The following TMEM132D variants were observed in gnomAD, a reference collection of about 807,000 sequenced individuals.
TMEM132D encodes the protein mature OL transmembrane protein.
TMEM132D carries 21 observed loss-of-function variants against 62.3 expected under a neutral mutation model. That is an observed-to-expected ratio of 0.34 (90% CI 0.24 to 0.49). The LOEUF is 0.49. Ranked by LOEUF, TMEM132D falls within the 20% of genes least tolerant of loss-of-function variation. TMEM132D has a pLI of 0.99. For synonymous variants in TMEM132D, 621 were observed against 575.6 expected (o/e 1.08, Z -1.13); for missense variants, 1,346 against 1,402.8 (o/e 0.96, Z 0.65).
intron 4 of TMEM132D, among the ~76,000 whole-genome samples, chr12:129,260,126 C>T (rs1880514479): frequency 6.6e-6 from 1 of 152,112 alleles, no homozygotes. Context: ...ACCACAGAGG[C>T]TTGGGACACT....
At chr12:129,075,843 C>T (rs568046355) in intron 8 of TMEM132D, among the ~76,000 whole-genome samples, 2 of 152,330 alleles carry the variant, frequency 1.3e-5, no homozygotes, top group African/African-American at 4.8e-5. Flanking sequence ...TTGGAGATAA[C>T]CTCCAATTTC....
At chr12:129,869,324 C>T (rs1453646819) in intron 1 of TMEM132D, among the ~76,000 whole-genome samples, 1 of 152,158 alleles carries the variant, frequency 6.6e-6, no homozygotes, top group Non-Finnish European at 1.5e-5. Context: ...AATCCCTTGG[C>T]ATACCTGGGG....
chr12:129,098,105 A>T (rs1275339480), intron 5 of TMEM132D, among the ~76,000 whole-genome samples: 1 of 152,194 alleles, frequency 6.6e-6, no homozygotes, highest in Non-Finnish European at 1.5e-5. Flanking sequence ...CACAACCCAG[A>T]AGAATAAGAT....
chr12:129,128,313 T>G (rs2017724), intron 5 of TMEM132D, among the ~76,000 whole-genome samples: 44,631 of 152,026 alleles, frequency 0.29, 7,650 homozygotes, highest in Non-Finnish European at 0.39. Flanking sequence ...ACTGGGTAAT[T>G]TATAAAGAAA....
intron 5 of TMEM132D, among the ~76,000 whole-genome samples, chr12:129,125,687 T>C (rs1246914445): frequency 6.6e-6 from 1 of 151,742 alleles, no homozygotes; most frequent in Non-Finnish European, 1.5e-5. Context: ...TTTTTTGGTA[T>C]AAACGGGGTT....
intron 1 of TMEM132D, among the ~76,000 whole-genome samples, chr12:129,888,579 C>A (rs1343040351): frequency 1.3e-5 from 2 of 152,096 alleles, no homozygotes. Context: ...TAGCATGCAT[C>A]TGTAGTCCCA....
In TMEM132D at chr12:129,700,606, C is replaced by G. The variant is rs1406077872; in HGVS notation, c.172G>C (p.Val58Leu). Residue 58 changes from valine to leucine, a missense_variant, in exon 2 of 9, where the codon GTC (valine) becomes CTC (leucine). Physicochemically the swap from Val to Leu is conservative, Grantham distance 32. Transcript: ENST00000422113. ...PVTYHINNADVSFFLKEANQD... is the reference protein window; with the variant it reads ...PVTYHINNADLSFFLKEANQD... ...TTGGCCTCCTTCAGGAAGAAGGAGA[C>G]GTCCGCGTTGTTGATGTGGTAGGTC... 1 of 1,613,928 alleles carries G rather than the reference C, an allele frequency of 6.2e-7. No homozygotes were observed. Among genetic ancestry groups the G allele is most frequent in the Non-Finnish European group, 8.5e-7 (1 of 1,180,004 alleles).
chr12:129,787,641 G>A (rs1871280320), intron 1 of TMEM132D, among the ~76,000 whole-genome samples: 1 of 152,188 alleles, frequency 6.6e-6, no homozygotes. Flanking sequence ...CCATCCCAGA[G>A]GTGTCTGGCA....
At chr12:129,150,979 G>A (rs1265094378) in intron 5 of TMEM132D, among the ~76,000 whole-genome samples, 1 of 152,174 alleles carries the variant, frequency 6.6e-6, no homozygotes, top group East Asian at 1.9e-4. Context: ...CCTGCCCTGA[G>A]TGGCTGCCGG....
rs57208477 is a variant in TMEM132D, at chr12:129,334,751, G to A, written c.1299+2883C>T. ...ACTACAGGTGTGAGTCACCAGAGCC[G>A]GCTAATTTTTGTAGTTTTAGTAGAG... is the stretch of plus-strand genomic sequence containing the variant. On this transcript the variant is annotated intron_variant, in intron 4 of 8. Coordinates refer to ENST00000422113, the MANE Select transcript of TMEM132D (RefSeq NM_133448.3). Among the ~76,000 whole-genome samples the A allele has an allele frequency of 8.3e-3, 1,261 of 152,218 alleles. 15 individuals are homozygous for A. Among genetic ancestry groups the A allele is most frequent in the African/African-American group, 0.028 (1,163 of 41,536 alleles).
intron 2 of TMEM132D, among the ~76,000 whole-genome samples, chr12:129,587,356 C>T (rs1483851224): frequency 4.6e-5 from 7 of 152,076 alleles, no homozygotes; most frequent in South Asian, 2.1e-4. Flanking sequence ...AACATGGGCA[C>T]GTAGAGGGTA....
intron 1 of TMEM132D, among the ~76,000 whole-genome samples, chr12:129,785,496 C>T (rs996094046): frequency 6.6e-6 from 1 of 152,236 alleles, no homozygotes; most frequent in South Asian, 2.1e-4. Context: ...TATTTCTTGA[C>T]TCCAATCACC....
intron 3 of TMEM132D, among the ~76,000 whole-genome samples, chr12:129,468,727 G>A (rs369534173): frequency 2.2e-4 from 33 of 152,090 alleles, no homozygotes; most frequent in East Asian, 1.4e-3. Context: ...TCTCTACTTC[G>A]TAAGATATTT....
At chr12:129,216,270 G>A (rs1324759754) in intron 4 of TMEM132D, among the ~76,000 whole-genome samples, 1 of 152,182 alleles carries the variant, frequency 6.6e-6, no homozygotes, top group East Asian at 1.9e-4. Flanking sequence ...CCTCCCAAAT[G>A]TCTGATAAAT....
At chr12:129,482,741 T>C (rs1434953788) in intron 3 of TMEM132D, among the ~76,000 whole-genome samples, 2 of 152,164 alleles carry the variant, frequency 1.3e-5, no homozygotes, top group Admixed American at 1.3e-4. Flanking sequence ...ACTTGCAAAG[T>C]TATTTTACTA....
chr12:129,594,976 G>A (rs1362013196), intron 2 of TMEM132D, among the ~76,000 whole-genome samples: 1 of 152,214 alleles, frequency 6.6e-6, no homozygotes, highest in Non-Finnish European at 1.5e-5. Context: ...ACAGCTGAAA[G>A]CAAAGTATGA....
intron 3 of TMEM132D, among the ~76,000 whole-genome samples, chr12:129,512,479 T>C (rs1228279647): frequency 3.3e-5 from 5 of 152,204 alleles, no homozygotes; most frequent in Admixed American, 1.3e-4. Flanking sequence ...CAGAGAGACA[T>C]TGAACATTGG....
intron 4 of TMEM132D, among the ~76,000 whole-genome samples, chr12:129,252,883 C>T (rs1880306189): frequency 1.3e-5 from 2 of 151,980 alleles, no homozygotes; most frequent in Admixed American, 1.3e-4. Context: ...GAGTTCATGT[C>T]CTTTGTAGGG....
chr12:129,188,781 G>C (rs1054069994), intron 5 of TMEM132D, among the ~76,000 whole-genome samples: 1 of 140,652 alleles, frequency 7.1e-6, no homozygotes, highest in African/African-American at 2.5e-5. Flanking sequence ...GAGAGAGAGA[G>C]AGAGAGAGAG....
Sources: gnomAD v4.1 joint callset for allele counts (sites outside exome capture counted in the v4.1 genomes callset) on GRCh38, gnomAD v4.1.1 for gene constraint, MANE v1.5 for transcripts, NCBI Gene and HGNC (gene_info 2026-07-23, HGNC 2026-07-21) for gene names.